Variants in NREP observed in about 807,000 individuals in gnomAD.
NREP encodes the protein neuronal regeneration related protein, also known as neuronal regeneration-related protein.
A neutral mutation model predicts 8.6 loss-of-function variants in NREP; 5 were observed. The ratio of observed to expected loss-of-function variants is 0.58; its 90% CI spans 0.30 to 1.22. The LOEUF (loss-of-function observed/expected upper bound fraction) is 1.22. NREP is among the 50% of genes most tolerant of loss of function. The probability of loss-of-function intolerance (pLI) is 0.07; values close to 1 mark genes in which losing one functional copy is unlikely to be tolerated. For missense variants in NREP, 86 were observed against 82.5 expected (o/e 1.04, Z -0.17); for synonymous variants, 27 against 28.0 (o/e 0.96, Z 0.11).
chr5:111,857,652 G>C (rs1163793559), intron 2 of NREP, among the ~76,000 whole-genome samples: 1 of 152,002 alleles, frequency 6.6e-6, no homozygotes, highest in African/African-American at 2.4e-5. Context: ...GAAATTCCTT[G>C]AATTCTTTTC....
intron 2 of NREP, among the ~76,000 whole-genome samples, chr5:111,971,997 AT>A (rs1275941098): frequency 1.3e-5 from 2 of 152,194 alleles, no homozygotes; most frequent in African/African-American, 4.8e-5. Flanking sequence ...CATATATTTG[AT>A]AAGGGGTTAA....
At chr5:111,946,618 G>T (rs1194917898) in intron 2 of NREP, among the ~76,000 whole-genome samples, 2 of 151,908 alleles carry the variant, frequency 1.3e-5, no homozygotes, top group African/African-American at 4.8e-5. Flanking sequence ...AAAGCCCAGG[G>T]ACGTCCCTCA....
intron 2 of NREP, among the ~76,000 whole-genome samples, chr5:111,840,653 C>T (rs139316355): frequency 6.6e-5 from 10 of 152,224 alleles, no homozygotes; most frequent in African/African-American, 2.2e-4. Flanking sequence ...AGAAAGCTGT[C>T]TCATATCCAC....
rs931059 is a variant in NREP, at chr5:111,787,247, A to G, written c.136-51740T>C. Among the ~76,000 whole-genome samples the G allele has an allele frequency of 0.01, 1,544 of 152,302 alleles. 69 individuals carry two copies. The East Asian group carries it at 0.13, about 13-fold the overall frequency. Reference sequence around the variant, plus strand: ...TTCCCAGTGATCTCAGTAGGGAAACATTCTGAAGCCACACACACTTCAGCT... The same window carrying G: ...TTCCCAGTGATCTCAGTAGGGAAACGTTCTGAAGCCACACACACTTCAGCT... On this transcript the variant is annotated intron_variant, in intron 2 of 3. Coordinates refer to the NREP transcript ENST00000395634.
chr5:111,783,331 T>C (rs571079845), intron 2 of NREP, among the ~76,000 whole-genome samples: 9 of 152,324 alleles, frequency 5.9e-5, no homozygotes, highest in African/African-American at 2.2e-4. Flanking sequence ...CCTTAAATGG[T>C]TAAAAATCTT....
intron 2 of NREP, among the ~76,000 whole-genome samples, chr5:111,901,562 A>C (rs546592910): frequency 6.6e-6 from 1 of 152,160 alleles, no homozygotes; most frequent in African/African-American, 2.4e-5. Context: ...ATATAGAAAA[A>C]CCTGAAGATT....
chr5:111,859,093 T>TTAC (rs1276209250), intron 2 of NREP, among the ~76,000 whole-genome samples: 3 of 152,128 alleles, frequency 2.0e-5, no homozygotes, highest in Non-Finnish European at 4.4e-5. Context: ...ATCAGCTGAC[T>TTAC]TACATAATGT....
At chr5:111,859,701 G>A (rs1328062162) in intron 2 of NREP, among the ~76,000 whole-genome samples, 1 of 152,078 alleles carries the variant, frequency 6.6e-6, no homozygotes, top group African/African-American at 2.4e-5. Flanking sequence ...GCCCGGCCAT[G>A]CTGAAAACAG....
intron 2 of NREP, among the ~76,000 whole-genome samples, chr5:111,799,633 T>A (rs763821134): frequency 1.3e-5 from 2 of 152,246 alleles, no homozygotes; most frequent in Non-Finnish European, 2.9e-5. Context: ...CATGAAAGTC[T>A]GAGACTGGCT....
chr5:111,935,064 T>A (rs1400427477), intron 2 of NREP, among the ~76,000 whole-genome samples: 1 of 152,076 alleles, frequency 6.6e-6, no homozygotes. Flanking sequence ...AAGCTTTTAG[T>A]AACTATTTTT....
chr5:111,767,934 G>T (rs1382408005), intron 2 of NREP, among the ~76,000 whole-genome samples: 1 of 152,008 alleles, frequency 6.6e-6, no homozygotes, highest in Admixed American at 6.6e-5. Flanking sequence ...TAAAGTGCTG[G>T]GATTCTAAGT....
At chr5:111,805,020 A>AC (rs398072584) in intron 2 of NREP, among the ~76,000 whole-genome samples, 1 of 151,804 alleles carries the variant, frequency 6.6e-6, no homozygotes, top group African/African-American at 2.4e-5. Context: ...AACAACAACA[A>AC]AACGAAAAGA....
chr5:111,914,533 A>G (rs922634855), intron 2 of NREP, among the ~76,000 whole-genome samples: 1 of 152,252 alleles, frequency 6.6e-6, no homozygotes, highest in East Asian at 1.9e-4. Context: ...GGACAAATAC[A>G]GAATGTAAGG....
intron 2 of NREP, among the ~76,000 whole-genome samples, chr5:111,899,014 G>GA (rs1489351201): frequency 1.3e-5 from 2 of 151,950 alleles, no homozygotes; most frequent in Non-Finnish European, 2.9e-5. Flanking sequence ...AAAAATGAAG[G>GA]AAAAATAAAG....
intron 2 of NREP, among the ~76,000 whole-genome samples, chr5:111,735,733 A>G (rs1749049199): frequency 6.6e-6 from 1 of 152,218 alleles, no homozygotes; most frequent in South Asian, 2.1e-4. Context: ...TAAGTCCAAT[A>G]AAGCAGAGAT....
intron 2 of NREP, among the ~76,000 whole-genome samples, chr5:111,872,172 G>A (rs79556852): frequency 0.05 from 7,650 of 152,108 alleles, 470 homozygotes; most frequent in East Asian, 0.23. Flanking sequence ...CAGCAACCTG[G>A]AGACCCAGAG....
intron 2 of NREP, among the ~76,000 whole-genome samples, chr5:111,829,668 C>T (rs1404678558): frequency 6.6e-6 from 1 of 152,160 alleles, no homozygotes; most frequent in Non-Finnish European, 1.5e-5. Context: ...CTTGTAAATA[C>T]CTGGTATCTG....
rs1023637064 is a variant in NREP at position 111,752,745 on chromosome 5, TC to T, written c.3+3024del. On this transcript the variant is annotated intron_variant, in intron 2 of 3. Coordinates refer to ENST00000257435, the MANE Select transcript of NREP (RefSeq NM_004772.4). ...AGGTCTCTGTTAAAACATAATGAAC[TC>T]ATGCTTACGTCACTGTGAGTCCATG... is the stretch of plus-strand genomic sequence containing the variant. Among the ~76,000 whole-genome samples the T allele has an allele frequency of 7.9e-5, 12 of 152,284 alleles. No individual in the cohort carries two copies. In the East Asian group the frequency reaches 2.3e-3, roughly 29 times the overall value.
At chr5:111,745,373 G>C (rs894353498) in intron 2 of NREP, among the ~76,000 whole-genome samples, 1 of 152,128 alleles carries the variant, frequency 6.6e-6, no homozygotes, top group Non-Finnish European at 1.5e-5. Flanking sequence ...TTAAGACTTT[G>C]GATCTAATTA....
Sources: gnomAD v4.1 joint callset for allele counts (sites outside exome capture counted in the v4.1 genomes callset) on GRCh38, gnomAD v4.1.1 for gene constraint, MANE v1.5 for transcripts, NCBI Gene and HGNC (gene_info 2026-07-23, HGNC 2026-07-21) for gene names.